The following KIAA1217 variants were observed in gnomAD, a reference collection of about 807,000 sequenced individuals.
KIAA1217 encodes sickle tail protein homolog.
KIAA1217 carries 88 observed loss-of-function variants against 163.9 expected under a neutral mutation model. That is an observed-to-expected ratio of 0.54 (90% CI 0.45 to 0.64). The LOEUF is 0.64. Among genes scored for constraint, KIAA1217 ranks in the 30% least tolerant of loss-of-function variants. The pLI is 0.00. For synonymous variants in KIAA1217, 903 were observed against 923.1 expected (o/e 0.98, Z 0.39); for missense variants, 2,372 against 2,475.0 (o/e 0.96, Z 0.88).
chr10:24,236,795 G>A (rs776137085), intron 2 of KIAA1217, among the ~76,000 whole-genome samples: 29 of 151,850 alleles, frequency 1.9e-4, no homozygotes, highest in Non-Finnish European at 3.8e-4. Context: ...GGGACTAGAG[G>A]CACACACCAG....
chr10:23,964,093 G>A (rs1449138232), intron 1 of KIAA1217, among the ~76,000 whole-genome samples: 3 of 151,472 alleles, frequency 2.0e-5, no homozygotes, highest in South Asian at 2.1e-4. Context: ...TAATAGAGAC[G>A]GGGTTTCACC....
intron 1 of KIAA1217, among the ~76,000 whole-genome samples, chr10:23,873,770 A>G (rs1324335113): frequency 2.0e-5 from 3 of 151,724 alleles, no homozygotes; most frequent in Non-Finnish European, 4.4e-5. Context: ...AGTACTCTTC[A>G]CTTTAGGTAA....
intron 1 of KIAA1217, among the ~76,000 whole-genome samples, chr10:23,823,588 C>G (rs188311093): frequency 3.3e-5 from 5 of 152,146 alleles, no homozygotes; most frequent in African/African-American, 9.7e-5. Flanking sequence ...TGTAATAAAA[C>G]ATATTCATAG....
At chr10:24,513,532 T>C in intron 10 of KIAA1217, 98 bp downstream of exon 10, 2 of 1,153,964 alleles carry the variant, frequency 1.7e-6, no homozygotes, top group Non-Finnish European at 2.5e-6. Flanking sequence ...TCTTGCCCTC[T>C]CTTTATTGAG....
At chr10:23,890,149 T>A (rs1841358898) in intron 1 of KIAA1217, among the ~76,000 whole-genome samples, 1 of 151,738 alleles carries the variant, frequency 6.6e-6, no homozygotes. Flanking sequence ...ATTTCCGTAA[T>A]TAGTCTTAGT....
chr10:24,531,232 A>C (rs569794720), intron 14 of KIAA1217, among the ~76,000 whole-genome samples: 1 of 152,256 alleles, frequency 6.6e-6, no homozygotes, highest in African/African-American at 2.4e-5. Context: ...AAATTTGTTT[A>C]ATTAAAAAAA....
chr10:24,233,232 G>A (rs951469506), intron 2 of KIAA1217, among the ~76,000 whole-genome samples: 1 of 152,212 alleles, frequency 6.6e-6, no homozygotes, highest in East Asian at 1.9e-4. Flanking sequence ...TCTGTTTGCA[G>A]AGATCACATT....
intron 2 of KIAA1217, among the ~76,000 whole-genome samples, chr10:24,252,710 T>G (rs903716087): frequency 1.3e-5 from 2 of 152,192 alleles, no homozygotes; most frequent in African/African-American, 4.8e-5. Flanking sequence ...GGACAGGTAT[T>G]GCCCTAGTCT....
intron 1 of KIAA1217, among the ~76,000 whole-genome samples, chr10:23,900,237 C>T (rs748581187): frequency 4.6e-5 from 7 of 151,994 alleles, no homozygotes; most frequent in Non-Finnish European, 8.8e-5. Flanking sequence ...ACCTCCTGAC[C>T]TAAGGTGACC....
intron 3 of KIAA1217, among the ~76,000 whole-genome samples, chr10:24,392,308 G>C (rs1452424503): frequency 6.6e-6 from 1 of 151,994 alleles, no homozygotes; most frequent in Non-Finnish European, 1.5e-5. Flanking sequence ...TTTGACATCT[G>C]ATTATCTACT....
intron 2 of KIAA1217, among the ~76,000 whole-genome samples, chr10:24,341,818 A>G (rs1173783124): frequency 6.6e-6 from 1 of 152,074 alleles, no homozygotes; most frequent in Non-Finnish European, 1.5e-5. Context: ...TAGGAGTTGA[A>G]GTGGGTGGTT....
chr10:24,097,555 G>C (rs2062212290), intron 2 of KIAA1217, among the ~76,000 whole-genome samples: 1 of 151,762 alleles, frequency 6.6e-6, no homozygotes, highest in Admixed American at 6.6e-5. Context: ...GAAAGAAAAA[G>C]AGAGAGAGAG....
intron 2 of KIAA1217, among the ~76,000 whole-genome samples, chr10:24,306,480 C>A (rs1051712800): frequency 6.6e-6 from 1 of 152,182 alleles, no homozygotes; most frequent in South Asian, 2.1e-4. Flanking sequence ...AATGAGAAAT[C>A]CTGCACTCAT....
intron 5 of KIAA1217, among the ~76,000 whole-genome samples, chr10:24,452,742 C>G (rs2061484484): frequency 6.6e-6 from 1 of 150,816 alleles, no homozygotes; most frequent in Non-Finnish European, 1.5e-5. Context: ...AACAGAATGC[C>G]TATAGTCAAA....
rs955846647 is a variant in KIAA1217 at position 24,473,298 on chromosome 10, C to T, written c.917C>T (p.Pro306Leu). ...GAPRPGSTAHPPHAIPNSPPS... is the reference protein window; with the variant it reads ...GAPRPGSTAHLPHAIPNSPPS... ...CCTCGCCCCGGATCTACTGCTCATC[C>T]ACCCCATGCGATTCCAAATTCCCCA... Residue 306 changes from proline to leucine, a missense_variant, in exon 6 of 21, where the codon CCA (proline) becomes CTA (leucine). By Grantham distance (98) the Pro-to-Leu change is moderately conservative. This residue lies in a region of KIAA1217 where 1,431 missense variants were observed against 1,470.3 expected (regional missense o/e 0.97). Coordinates refer to ENST00000376454, the MANE Select transcript of KIAA1217 (RefSeq NM_019590.5). 6.5e-7 allele frequency: 1 copy of T among 1,543,908 alleles called. No individual in the cohort carries two copies. Among genetic ancestry groups the T allele is most frequent in the Non-Finnish European group, 8.7e-7 (1 of 1,145,904 alleles).
chr10:24,473,030 G>A (rs934385871), intron 5 of KIAA1217, among the ~76,000 whole-genome samples, 198 bp from the exon 6 acceptor site: 1 of 152,120 alleles, frequency 6.6e-6, no homozygotes, highest in African/African-American at 2.4e-5. Context: ...GAGTTCACCA[G>A]GATAAAGATC....
At chr10:24,531,111 G>A (rs1018824713) in intron 14 of KIAA1217, among the ~76,000 whole-genome samples, 2 of 152,044 alleles carry the variant, frequency 1.3e-5, no homozygotes, top group African/African-American at 2.4e-5. Flanking sequence ...AGGCTAAGGT[G>A]GGAGGATCAC....
rs372523891 is a variant in KIAA1217, at chr10:24,543,188, A to G, written c.3918A>G (p.Thr1306=). 69 of 1,613,960 alleles carry G rather than the reference A, an allele frequency of 4.3e-5. No homozygotes were observed. The highest frequency in any genetic ancestry group is 5.5e-5 in the Non-Finnish European group (65 of 1,180,020). The part of the protein sequence containing the change: ...TENQTLNYGK[T]KEMEKQNTDK... The stretch of plus-strand genomic sequence containing the variant: ...ACCAGACGCTGAATTACGGAAAGAC[A>G]AAGGAGATGGAAAAGCAAAATACGG... Residue 1306 remains threonine (T), a synonymous_variant, in exon 19 of 21, where the codon ACA becomes ACG. Coordinates refer to ENST00000376454, the MANE Select transcript of KIAA1217 (RefSeq NM_019590.5).
intron 1 of KIAA1217, among the ~76,000 whole-genome samples, chr10:23,983,529 C>G (rs1447876596): frequency 1.3e-5 from 2 of 152,028 alleles, no homozygotes; most frequent in Non-Finnish European, 2.9e-5. Context: ...TTTAAACAAC[C>G]AGATCTCACG....
Sources: gnomAD v4.1 joint callset for allele counts (sites outside exome capture counted in the v4.1 genomes callset) on GRCh38, gnomAD v4.1.1 for gene constraint, gnomAD v4.1.1 regional missense constraint, MANE v1.5 for transcripts, NCBI Gene and HGNC (gene_info 2026-07-23, HGNC 2026-07-21) for gene names.